The following AGO1 variants were observed in gnomAD, a reference collection of about 807,000 sequenced individuals.
AGO1 encodes protein argonaute-1.
In AGO1, 11 loss-of-function variants were observed where a neutral mutation model predicts 109.2. That is an observed-to-expected ratio of 0.10 (90% CI 0.06 to 0.17). The LOEUF (loss-of-function observed/expected upper bound fraction) is 0.17. Among genes scored for constraint, AGO1 ranks in the 10% least tolerant of loss-of-function variants. The pLI is 1.00. For synonymous variants in AGO1, 422 were observed against 418.6 expected, an observed-to-expected ratio of 1.01 and a Z score of -0.10; for missense variants, 574 against 1,140.3, an observed-to-expected ratio of 0.50 and a Z score of 7.15.
chr1:35,909,432 G>A, intron 12 of AGO1, among the ~76,000 whole-genome samples: 1 of 152,204 alleles, frequency 6.6e-6, no homozygotes, highest in Non-Finnish European at 1.5e-5. Context: ...TGCCTGGCAT[G>A]TAGCTGACAC....
chr1:35,873,151 C>A (rs113882628), intron 1 of AGO1: 1 of 151,808 alleles, frequency 6.6e-6, no homozygotes, highest in African/African-American at 2.4e-5. Flanking sequence ...ACAAGGATCT[C>A]TAGAACACTT....
At position 35,909,424 on chromosome 1, in the gene AGO1, C is replaced by T. The variant is rs574213570; in HGVS notation, c.1582+2305C>T. 8.5e-5 allele frequency among the ~76,000 whole-genome samples: 13 copies of T among 152,318 alleles called. No homozygotes were observed. In the South Asian group the frequency reaches 2.7e-3, roughly 32 times the overall value. On this transcript the variant is annotated intron_variant, in intron 12 of 18. Coordinates refer to ENST00000373204, the MANE Select transcript of AGO1 (RefSeq NM_012199.5). ...ATAAAAAGCAGAATCTAGCACAGTG[C>T]CTGGCATGTAGCTGACACTCTGAGT...
intron 11 of AGO1, among the ~76,000 whole-genome samples, chr1:35,903,968 A>G (rs1217481389): frequency 7.2e-5 from 11 of 152,032 alleles, no homozygotes; most frequent in Non-Finnish European, 1.6e-4. Context: ...TCTCAAAAAA[A>G]AAAAAAGTTC....
At chr1:35,887,690 C>G (rs1196241406) in intron 1 of AGO1, among the ~76,000 whole-genome samples, 2 of 151,952 alleles carry the variant, frequency 1.3e-5, no homozygotes, top group Non-Finnish European at 2.9e-5. Flanking sequence ...TCCCCAGTTG[C>G]TGCTTTGTTT....
chr1:35,919,011 C>T lies in AGO1; in HGVS notation c.2266-44C>T, dbSNP rs772530196. Reference sequence around the variant, plus strand: ...ATCCTGTTCCCCTATTATCAGCCATCTTCTCTGCCCAGCCTGGGACCCCTC... The same window carrying T: ...ATCCTGTTCCCCTATTATCAGCCATTTTCTCTGCCCAGCCTGGGACCCCTC... On this transcript the variant is annotated intron_variant, in intron 17 of 18. Transcript: ENST00000373204. This position sits in a 1 kb window ranked among gnomAD's most constrained non-coding sequence, Gnocchi z 6.6. 9.5e-6 allele frequency: 15 copies of T among 1,572,602 alleles called. No homozygotes were observed. The East Asian group carries it at 3.4e-4, about 35-fold the overall frequency.
chr1:35,906,735 C>T (rs1480311434), intron 11 of AGO1, among the ~76,000 whole-genome samples, 200 bp from the exon 12 acceptor site: 1 of 151,184 alleles, frequency 6.6e-6, no homozygotes, highest in Non-Finnish European at 1.5e-5. Flanking sequence ...TTTAGCCTAG[C>T]AGCTCGAGGC....
Position 35,883,972 on chromosome 1 carries a change from C to A in AGO1, c.25+526C>A, listed in dbSNP as rs766643376. ...GGTGGGGACCCAGTCCCGGGATTACCCCCCGTGGGTCTGGGGAGTCGGAGC... is the reference window on the plus strand; with the variant it reads ...GGTGGGGACCCAGTCCCGGGATTACACCCCGTGGGTCTGGGGAGTCGGAGC... On this transcript the variant is annotated intron_variant, in intron 1 of 18. Coordinates refer to ENST00000373204, the MANE Select transcript of AGO1 (RefSeq NM_012199.5). This position sits in a 1 kb window ranked among gnomAD's most constrained non-coding sequence, Gnocchi z 5.4. 1.3e-5 allele frequency among the ~76,000 whole-genome samples: 2 copies of A among 152,320 alleles called. No homozygotes were observed. Among genetic ancestry groups the A allele is most frequent in the East Asian group, 3.9e-4 (2 of 5,184 alleles).
intron 7 of AGO1, 40 bp from the exon 8 acceptor site, chr1:35,895,082 C>T: frequency 6.4e-7 from 1 of 1,573,536 alleles, no homozygotes; most frequent in Non-Finnish European, 8.6e-7. Flanking sequence ...GGACTGAATG[C>T]TGGGTTATGA....
In AGO1 at chr1:35,901,418, G is replaced by C. The variant is rs1645414152; in HGVS notation, c.1021-56G>C. ...GTATCTTTCCTTATTGTGGGGCTCT[G>C]GGTACAGGGTGGACTGTACTCAAGC... On this transcript the variant is annotated intron_variant, in intron 8 of 18. Transcript: ENST00000373204. This position sits in a 1 kb window ranked among gnomAD's most constrained non-coding sequence, Gnocchi z 4.8. The C allele has an allele frequency of 6.2e-7, 1 of 1,605,738 alleles. No homozygotes were observed. Among genetic ancestry groups the C allele is most frequent in the African/African-American group, 1.3e-5 (1 of 74,754 alleles).
Position 35,900,747 on chromosome 1 carries a change from C to T in AGO1, c.1021-727C>T, listed in dbSNP as rs999984102. On this transcript the variant is annotated intron_variant, in intron 8 of 18. Coordinates refer to ENST00000373204, the MANE Select transcript of AGO1 (RefSeq NM_012199.5). Reference sequence around the variant, plus strand: ...CCTCTCAAAAATAAACAAATAAATACATAAGTACAAAAATTAGCGAGGCAT... The same window carrying T: ...CCTCTCAAAAATAAACAAATAAATATATAAGTACAAAAATTAGCGAGGCAT... Among the ~76,000 whole-genome samples the T allele has an allele frequency of 2.6e-5, 4 of 151,460 alleles. No homozygotes were observed. The South Asian group carries it at 6.3e-4, about 24-fold the overall frequency.
chr1:35,908,696 C>T, intron 12 of AGO1, among the ~76,000 whole-genome samples: 1 of 152,176 alleles, frequency 6.6e-6, no homozygotes, highest in Non-Finnish European at 1.5e-5. Flanking sequence ...TAAGTACCTT[C>T]ATTCAAACTT....
At chr1:35,899,686 G>A (rs1307996844) in intron 8 of AGO1, among the ~76,000 whole-genome samples, 3 of 152,188 alleles carry the variant, frequency 2.0e-5, no homozygotes, top group Non-Finnish European at 4.4e-5. Flanking sequence ...GAGTTTGAAG[G>A]CAGGTGACCT....
At chr1:35,886,011 T>C (rs1645114108) in intron 1 of AGO1, among the ~76,000 whole-genome samples, 1 of 152,186 alleles carries the variant, frequency 6.6e-6, no homozygotes, top group Non-Finnish European at 1.5e-5. Context: ...GCAGTCTGGC[T>C]CCTTGGGAGG....
chr1:35,894,999 C>G (rs914903041), intron 7 of AGO1, 123 bp from the exon 8 acceptor site: 19 of 1,202,318 alleles, frequency 1.6e-5, no homozygotes, highest in Middle Eastern at 2.9e-4. Flanking sequence ...GACTTCCTTC[C>G]TGCACATCAT....
upstream of AGO1, chr1:35,883,134 G>A: frequency 9.0e-7 from 1 of 1,109,522 alleles, no homozygotes; most frequent in Admixed American, 5.1e-5. This position sits in a 1 kb window ranked among gnomAD's most constrained non-coding sequence, Gnocchi z 5.4. Flanking sequence ...CCTCTCCATT[G>A]GCCTTTGTTG....
rs1645162471 is a variant in AGO1 at position 35,888,738 on chromosome 1, G to A, written c.209+128G>A. On this transcript the variant is annotated intron_variant, in intron 2 of 18. Transcript: ENST00000373204. The surrounding 1 kb of genome is among the most constrained non-coding windows in gnomAD (Gnocchi z 4.1). The stretch of plus-strand genomic sequence containing the variant: ...CTAAGGAAGTTTTTGAACGGGAGAT[G>A]CCACGTCGGGTAAATGCTGAAAAAT... 6.0e-6 allele frequency: 6 copies of A among 1,004,206 alleles called. No individual in the cohort carries two copies. The highest frequency in any genetic ancestry group is 1.6e-5 in the African/African-American group (1 of 61,180). The allele number at this position is 1,004,206 out of a possible 1,614,324, so 62.2% of individuals were successfully genotyped here. A position where few individuals can be genotyped will look rare whatever the true frequency, so the allele number is the denominator to read the frequency against.
At chr1:35,882,659 A>G (rs1174469811), upstream of AGO1, among the ~76,000 whole-genome samples, 3 of 152,174 alleles carry the variant, frequency 2.0e-5, no homozygotes, top group African/African-American at 7.2e-5. This position sits in a 1 kb window ranked among gnomAD's most constrained non-coding sequence, Gnocchi z 5.1. Flanking sequence ...AAACTGTGAC[A>G]TCTTCCAGGG....
chr1:35,888,094 C>T lies in AGO1; in HGVS notation c.26-333C>T, dbSNP rs559945357. ...ATACCTGGTGGAGGCAAGTGTCTTA[C>T]TCTACTAGAAGAAAGAAAGGGTTTT... is the stretch of plus-strand genomic sequence containing the variant. On this transcript the variant is annotated intron_variant, in intron 1 of 18. Coordinates refer to ENST00000373204, the MANE Select transcript of AGO1 (RefSeq NM_012199.5). The surrounding 1 kb of genome is among the most constrained non-coding windows in gnomAD (Gnocchi z 4.1). Among the ~76,000 whole-genome samples, 26 of 152,326 alleles carry T rather than the reference C, an allele frequency of 1.7e-4. No homozygotes were observed. Among genetic ancestry groups the T allele is most frequent in the African/African-American group, 6.3e-4 (26 of 41,558 alleles).
rs1249705353 is a variant in AGO1, at chr1:35,924,194, G to C, written c.*4587G>C. 2.0e-5 allele frequency: 3 copies of C among 153,354 alleles called. No individual in the cohort carries two copies. The highest frequency in any genetic ancestry group is 7.2e-5 in the African/African-American group (3 of 41,456). The allele number at this position is 153,354 out of a possible 1,614,324, so 9.5% of individuals were successfully genotyped here. On this transcript the variant is annotated 3_prime_UTR_variant, in exon 19 of 19. Coordinates refer to ENST00000373204, the MANE Select transcript of AGO1 (RefSeq NM_012199.5). ...TCCAGTCCATTGTGAAATTATCCCA[G>C]CAGCTGTAATGTACAGTTCCTTCTG... is the stretch of plus-strand genomic sequence containing the variant.
Sources: allele counts gnomAD v4.1 joint callset (sites outside exome capture counted in the v4.1 genomes callset), GRCh38; gene constraint gnomAD v4.1.1; non-coding constraint Gnocchi (gnomAD v3.1); transcripts MANE v1.5; gene names NCBI Gene and HGNC (gene_info 2026-07-23, HGNC 2026-07-21).